Variants in DMXL2 observed in about 807,000 individuals in gnomAD.
DMXL2 encodes Dmx like 2.
A neutral mutation model predicts 331.1 loss-of-function variants in DMXL2; 103 were observed. The observed-to-expected ratio is 0.31, with a 90% CI of 0.27 to 0.37. The LOEUF (loss-of-function observed/expected upper bound fraction) is 0.37. Ranked by LOEUF, DMXL2 falls within the 10% of genes least tolerant of loss-of-function variation. The pLI, the probability that DMXL2 is intolerant of heterozygous loss-of-function variation, is 1.00. For missense variants in DMXL2, 3,171 were observed against 3,642.9 expected (o/e 0.87, Z 3.33); for synonymous variants, 1,281 against 1,252.1 (o/e 1.02, Z -0.49).
At chr15:51,498,432 A>T (rs890454329) in intron 18 of DMXL2, 120 bp downstream of exon 18, 2 of 913,734 alleles carry the variant, frequency 2.2e-6, no homozygotes, top group Non-Finnish European at 3.3e-6. Context: ...CCTATTAAGG[A>T]GGTCTTTTCC....
chr15:51,607,072 C>T (rs1488277983), intron 1 of DMXL2, among the ~76,000 whole-genome samples: 3 of 142,758 alleles, frequency 2.1e-5, no homozygotes, highest in Admixed American at 6.9e-5. Flanking sequence ...GCAGGAGAAT[C>T]GCTTGAACCT....
At chr15:51,597,780 T>TGGACATCCTTGCCATCACC (rs1424164782) in intron 1 of DMXL2, among the ~76,000 whole-genome samples, 1 of 152,238 alleles carries the variant, frequency 6.6e-6, no homozygotes, top group Non-Finnish European at 1.5e-5. Context: ...TTCCCATCAC[T>TGGACATCCTTGCCATCACC]GGACATCCTT....
intron 13 of DMXL2, among the ~76,000 whole-genome samples, chr15:51,528,693 C>CA (rs1232740645): frequency 2.0e-5 from 3 of 152,118 alleles, no homozygotes; most frequent in Non-Finnish European, 4.4e-5. Flanking sequence ...CGACATCACT[C>CA]AGAATTGGAC....
intron 20 of DMXL2, among the ~76,000 whole-genome samples, chr15:51,490,587 G>T (rs935107643): frequency 6.6e-6 from 1 of 152,128 alleles, no homozygotes; most frequent in Non-Finnish European, 1.5e-5. Context: ...CTGGAGTTTG[G>T]GCTTGTTACC....
At chr15:51,610,166 A>T (rs1206759620) in intron 1 of DMXL2, among the ~76,000 whole-genome samples, 2 of 152,240 alleles carry the variant, frequency 1.3e-5, no homozygotes, top group African/African-American at 4.8e-5. Context: ...GAGAAAGTAC[A>T]CTGCAGAAGC....
At chr15:51,457,188 A>C in intron 37 of DMXL2, 140 bp downstream of exon 37, 2 of 928,688 alleles carry the variant, frequency 2.2e-6, no homozygotes, top group Non-Finnish European at 3.1e-6. Context: ...AAAAAGCCAC[A>C]ATAAATGTCA....
chr15:51,573,904 A>G (rs980195779), intron 2 of DMXL2, among the ~76,000 whole-genome samples: 1 of 152,140 alleles, frequency 6.6e-6, no homozygotes, highest in East Asian at 1.9e-4. Context: ...TATTTTTAAT[A>G]TAAAATAACT....
At position 51,448,535 on chromosome 15, in the gene DMXL2, G is replaced by A. The variant is rs890520645; in HGVS notation, c.*449C>T. On this transcript the variant is annotated 3_prime_UTR_variant, in exon 44 of 44. Coordinates refer to ENST00000560891, the MANE Select transcript of DMXL2 (RefSeq NM_001378457.1). ...CCACAGCTAAGAAAGTTTTCCAGGTGGTCTAGCGCTCCTAACAAACACCTT... is the reference window on the plus strand; with the variant it reads ...CCACAGCTAAGAAAGTTTTCCAGGTAGTCTAGCGCTCCTAACAAACACCTT... 3.0e-5 allele frequency: 6 copies of A among 197,082 alleles called. No homozygotes were observed. Among genetic ancestry groups the A allele is most frequent in the Admixed American group, 1.1e-4 (2 of 18,918 alleles). The allele number at this position is 197,082 out of a possible 1,614,324, so 12.2% of individuals were successfully genotyped here.
At chr15:51,540,352 G>A (rs925309825) in intron 9 of DMXL2, among the ~76,000 whole-genome samples, 1 of 152,172 alleles carries the variant, frequency 6.6e-6, no homozygotes, top group South Asian at 2.1e-4. Context: ...CAGTATTACA[G>A]CTATGGAGGC....
intron 1 of DMXL2, among the ~76,000 whole-genome samples, chr15:51,602,893 C>G (rs906999617): frequency 3.9e-5 from 6 of 152,158 alleles, no homozygotes. Flanking sequence ...TTTAAATGTC[C>G]AGGCATAATC....
chr15:51,575,716 T>C (rs1487997328), intron 2 of DMXL2, among the ~76,000 whole-genome samples: 2 of 152,018 alleles, frequency 1.3e-5, no homozygotes, highest in Non-Finnish European at 2.9e-5. Context: ...ATAGTATGAG[T>C]GATATAAGGG....
chr15:51,601,446 T>G (rs552756984), intron 1 of DMXL2, among the ~76,000 whole-genome samples: 1 of 152,192 alleles, frequency 6.6e-6, no homozygotes, highest in Non-Finnish European at 1.5e-5. Flanking sequence ...TTAATTTTTA[T>G]GTATGGGGTG....
chr15:51,535,605 G>T, intron 13 of DMXL2, 58 bp downstream of exon 13: 1 of 1,495,578 alleles, frequency 6.7e-7, no homozygotes, highest in South Asian at 1.4e-5. Flanking sequence ...CCTAGACAAA[G>T]TCAAAAGAGA....
intron 16 of DMXL2, among the ~76,000 whole-genome samples, chr15:51,505,590 C>G (rs1044896190): frequency 6.6e-6 from 1 of 152,212 alleles, no homozygotes; most frequent in Admixed American, 6.5e-5. Flanking sequence ...AAAGAATTAA[C>G]TCCAAAGGCT....
intron 25 of DMXL2, 150 bp from the exon 26 acceptor site, chr15:51,478,497 T>C: frequency 1.5e-6 from 1 of 647,724 alleles, no homozygotes; most frequent in Non-Finnish European, 2.7e-6. Flanking sequence ...TTAAATCTTC[T>C]AAAGTAACTG....
At chr15:51,607,238 C>A (rs1202485999) in intron 1 of DMXL2, among the ~76,000 whole-genome samples, 1 of 151,868 alleles carries the variant, frequency 6.6e-6, no homozygotes, top group Non-Finnish European at 1.5e-5. Flanking sequence ...AGGCGGATCA[C>A]AAGGTCAGGA....
Position 51,450,182 on chromosome 15 carries a change from A to T in DMXL2, c.8914T>A (p.Leu2972Met), listed in dbSNP as rs1297033653. 2.5e-6 allele frequency: 4 copies of T among 1,614,120 alleles called. No individual in the cohort carries two copies. The highest frequency in any genetic ancestry group is 3.4e-6 in the Non-Finnish European group (4 of 1,180,018). The change falls in exon 43 of 44, where the codon TTG becomes ATG. Residue 2972 changes from leucine to methionine, a missense_variant. This residue lies in a region of DMXL2 where 766 missense variants were observed against 940.5 expected (regional missense o/e 0.81). Coordinates refer to ENST00000560891, the MANE Select transcript of DMXL2 (RefSeq NM_001378457.1). ...AHDSAIKALA[L>M]DPYEEYFTTG... ...GTAAAATATTCCTCATAGGGATCCA[A>T]GGCCAGAGCCTTAATAGCTGAGTCA...
intron 1 of DMXL2, among the ~76,000 whole-genome samples, chr15:51,587,052 G>C (rs188923716): frequency 6.6e-6 from 1 of 150,592 alleles, no homozygotes; most frequent in African/African-American, 2.4e-5. Flanking sequence ...AAAACCTACA[G>C]TCACCTTTTA....
chr15:51,454,188 T>C (rs986606334), intron 40 of DMXL2: 2 of 152,380 alleles, frequency 1.3e-5, no homozygotes, highest in Non-Finnish European at 2.9e-5. Flanking sequence ...ATACACATAA[T>C]TAAGAACATA....
Sources: allele counts gnomAD v4.1 joint callset (sites outside exome capture counted in the v4.1 genomes callset), GRCh38; gene constraint gnomAD v4.1.1; regional missense constraint gnomAD v4.1.1; transcripts MANE v1.5; gene names NCBI Gene and HGNC (gene_info 2026-07-23, HGNC 2026-07-21).